The following MYH15 variants were observed in gnomAD, a reference collection of about 807,000 sequenced individuals.
MYH15 encodes the protein myosin heavy chain 15, also known as myosin-15.
A neutral mutation model predicts 240.5 loss-of-function variants in MYH15; 227 were observed. The ratio of observed to expected loss-of-function variants is 0.94; its 90% CI spans 0.85 to 1.05. The LOEUF is 1.05. MYH15 is among the 50% of genes least tolerant of loss of function. The pLI, the probability that MYH15 is intolerant of heterozygous loss-of-function variation, is 0.00. For missense variants in MYH15, 2,217 were observed against 2,247.5 expected (o/e 0.99, Z 0.27); for synonymous variants, 785 against 796.7 (o/e 0.99, Z 0.25).
the MYH15 span, among the ~76,000 whole-genome samples, chr3:108,542,880 C>T: frequency 2.9e-5 from 4 of 136,054 alleles, no homozygotes; most frequent in Non-Finnish European, 6.4e-5. Context: ...TGATCTCGTT[C>T]CTTTTTTTTT....
intron 30 of MYH15, among the ~76,000 whole-genome samples, chr3:108,412,966 C>A (rs1363887153): frequency 1.3e-5 from 2 of 152,198 alleles, no homozygotes; most frequent in Admixed American, 1.3e-4. Context: ...AAAAAATTGT[C>A]TTCACAGAGT....
intron 1 of MYH15, among the ~76,000 whole-genome samples, chr3:108,507,330 C>T (rs1341680835): frequency 7.3e-6 from 1 of 136,916 alleles, no homozygotes; most frequent in African/African-American, 2.8e-5. Flanking sequence ...CAGGTCACAG[C>T]TACTCAGGTA....
chr3:108,476,360 A>G (rs750436120), intron 12 of MYH15, 37 bp downstream of exon 12: 1 of 1,231,376 alleles, frequency 8.1e-7, no homozygotes, highest in Non-Finnish European at 1.2e-6. Context: ...TTATTGGAAG[A>G]TCATAGAATA....
chr3:108,545,694 T>TACACACACAC, the MYH15 span, among the ~76,000 whole-genome samples: 366 of 149,152 alleles, frequency 2.5e-3, 1 homozygote, highest in African/African-American at 8.6e-3. Context: ...AATATACACA[T>TACACACACAC]ACACACACAC....
intron 1 of MYH15, among the ~76,000 whole-genome samples, chr3:108,509,306 A>G (rs558669978): frequency 2.0e-5 from 3 of 152,318 alleles, no homozygotes; most frequent in Admixed American, 1.3e-4. Context: ...TAAATGCATC[A>G]TCCAATTATC....
rs770923333 is a variant in MYH15, at chr3:108,391,799, C to T, written c.5391G>A (p.Leu1797=). The T allele has an allele frequency of 6.2e-7, 1 of 1,614,094 alleles. No individual in the cohort carries two copies. Among genetic ancestry groups the T allele is most frequent in the Non-Finnish European group, 8.5e-7 (1 of 1,179,986 alleles). The stretch of plus-strand genomic sequence containing the variant: ...TCTGGATTTGCTTTCTACTCCCCAT[C>T]AGGGCCATCTGTTCAGCTTCAGCCA... ...KRLAEAEQMA[L]MGSRKQIQKL... is the part of the protein sequence containing the mutation. The change falls in exon 37 of 41, where the codon CTG becomes CTA. Residue 1797 remains leucine (L), a synonymous_variant. Coordinates refer to ENST00000693548, the MANE Select transcript of MYH15 (RefSeq NM_014981.3).
In MYH15 at chr3:108,381,415, CTTGTTTATA is replaced by C. The variant is rs2082342615; in HGVS notation, c.*121_*129del. The C allele has an allele frequency of 4.9e-5, 51 of 1,043,836 alleles. No individual in the cohort carries two copies. Among genetic ancestry groups the C allele is most frequent in the Non-Finnish European group, 7.1e-5 (48 of 676,052 alleles). The allele number at this position is 1,043,836 out of a possible 1,614,324, so 64.7% of individuals were successfully genotyped here. On this transcript the variant is annotated 3_prime_UTR_variant, in exon 41 of 41. Transcript: ENST00000693548. ...TCCCTTTAATTATTTTTCTAATTGC[CTTGTTTATA>C]TGGTGTGAAAAGCAATTTAAACATG...
At chr3:108,409,654 G>A (rs1325349265) in intron 31 of MYH15, among the ~76,000 whole-genome samples, 1 of 150,528 alleles carries the variant, frequency 6.6e-6, no homozygotes, top group Admixed American at 6.6e-5. Flanking sequence ...GGCATCTCAG[G>A]GTTTTCATGC....
At chr3:108,446,702 G>A (rs145351633) in intron 21 of MYH15, among the ~76,000 whole-genome samples, 14 of 152,170 alleles carry the variant, frequency 9.2e-5, no homozygotes, top group Admixed American at 2.6e-4. Flanking sequence ...TAGCAACAAC[G>A]TCCTAAAATC....
chr3:108,442,565 C>A (rs1005446016), intron 22 of MYH15, among the ~76,000 whole-genome samples: 1 of 152,078 alleles, frequency 6.6e-6, no homozygotes, highest in Admixed American at 6.5e-5. Context: ...CATCACTGAA[C>A]AAAGAGGACA....
intron 14 of MYH15, among the ~76,000 whole-genome samples, chr3:108,466,599 GC>G (rs1187380922): frequency 1.3e-5 from 2 of 152,126 alleles, no homozygotes; most frequent in Admixed American, 1.3e-4. Flanking sequence ...CATACATAGT[GC>G]CTGCTTATAC....
At chr3:108,392,138 C>T (rs1210995294) in intron 36 of MYH15, among the ~76,000 whole-genome samples, 1 of 152,088 alleles carries the variant, frequency 6.6e-6, no homozygotes, top group Non-Finnish European at 1.5e-5. Flanking sequence ...CAGGAGAGAA[C>T]AGGGTAAGGA....
Position 108,428,687 on chromosome 3 carries a change from G to T in MYH15, c.3507C>A (p.Asp1169Glu), listed in dbSNP as rs1437952234. ...QETKFQKLHR[D>E]MEEATLHFET... ...CAAAGTGCAGAGTGGCCTCTTCCAT[G>T]TCTCGGTGCAGCTTCTGGAATTTGG... is the stretch of plus-strand genomic sequence containing the variant. Residue 1169 changes from aspartate (D) to glutamate (E), a missense_variant, in exon 27 of 41, where the codon GAC (aspartate) becomes GAA (glutamate). Asp to Glu is a conservative substitution (Grantham distance 45). Coordinates refer to ENST00000693548, the MANE Select transcript of MYH15 (RefSeq NM_014981.3). 1.2e-6 allele frequency: 2 copies of T among 1,613,544 alleles called. No homozygotes were observed. Among genetic ancestry groups the T allele is most frequent in the African/African-American group, 2.7e-5 (2 of 74,760 alleles).
chr3:108,510,503 C>A lies in MYH15; in HGVS notation c.28G>T (p.Ala10Ser), dbSNP rs547047848. 1.2e-6 allele frequency: 2 copies of A among 1,613,114 alleles called. No homozygotes were observed. The highest frequency in any genetic ancestry group is 1.3e-5 in the African/African-American group (1 of 74,790). ...GCTTCACTTCTTCTGAGGAAGGCTG[C>A]GGCTTCTCCAAGGTCTGACAGATCC... The part of the protein sequence containing the change: MDLSDLGEA[A>S]AFLRRSEAEL... The change falls in exon 1 of 41, where the codon GCA becomes TCA. Residue 10 changes from alanine to serine, a missense_variant. Ala to Ser is a moderately conservative substitution (Grantham distance 99, BLOSUM62 1). Coordinates refer to ENST00000693548, the MANE Select transcript of MYH15 (RefSeq NM_014981.3).
intron 35 of MYH15, among the ~76,000 whole-genome samples, chr3:108,394,648 A>G (rs750568321): frequency 2.0e-5 from 3 of 152,134 alleles, no homozygotes; most frequent in Non-Finnish European, 4.4e-5. Context: ...CTTACTTTAC[A>G]GTGAGGAGGT....
At position 108,495,688 on chromosome 3, in the gene MYH15, T is replaced by C. The variant is rs2083384275; in HGVS notation, c.711+92A>G. The C allele has an allele frequency of 8.3e-6, 7 of 846,884 alleles. No homozygotes were observed. The South Asian group carries it at 1.1e-4, about 13-fold the overall frequency. The allele number at this position is 846,884 out of a possible 1,614,324, so 52.5% of individuals were successfully genotyped here. The stretch of plus-strand genomic sequence containing the variant: ...TAATCAAAGACCTTCTTTGGTGTTC[T>C]ATAATTTTTTCATACCTATGTGCTT... On this transcript the variant is annotated intron_variant, in intron 7 of 40. Coordinates refer to ENST00000693548, the MANE Select transcript of MYH15 (RefSeq NM_014981.3).
the MYH15 span, chr3:108,543,825 C>T: frequency 6.6e-6 from 1 of 152,236 alleles, no homozygotes; most frequent in African/African-American, 2.4e-5. Context: ...GCTACTGCCA[C>T]TTCTTGTGGA....
chr3:108,471,486 G>A (rs2083176944), intron 12 of MYH15, among the ~76,000 whole-genome samples: 1 of 152,092 alleles, frequency 6.6e-6, no homozygotes, highest in South Asian at 2.1e-4. Flanking sequence ...TACCTGTCCT[G>A]TCTTCAGCCT....
chr3:108,428,536 C>G lies in MYH15; in HGVS notation c.3658G>C (p.Val1220Leu), dbSNP rs573226732. The G allele has an allele frequency of 1.2e-5, 20 of 1,614,116 alleles. No homozygotes were observed. The highest frequency in any genetic ancestry group is 1.7e-5 in the Admixed American group (1 of 60,010). Residue 1220 changes from valine (V) to leucine (L), a missense_variant, in exon 27 of 41, where the codon GTA becomes CTA. Transcript: ENST00000693548. ...TCAACACGGGTCAGGAGGTCATCTA[C>G]TTCTAGCTGCAAGTCACTCTTGTCT... is the stretch of plus-strand genomic sequence containing the variant. ...EKDKSDLQLE[V>L]DDLLTRVEQM... is the part of the protein sequence containing the mutation.
Sources: allele counts gnomAD v4.1 joint callset (sites outside exome capture counted in the v4.1 genomes callset), GRCh38; gene constraint gnomAD v4.1.1; transcripts MANE v1.5; gene names NCBI Gene and HGNC (gene_info 2026-07-23, HGNC 2026-07-21).